ATAD5: variants seen among roughly 807,000 people sequenced by gnomAD.
The protein encoded by ATAD5 is ATPase family AAA domain-containing protein 5.
ATAD5 carries 58 observed loss-of-function variants against 176.9 expected under a neutral mutation model. The ratio of observed to expected loss-of-function variants is 0.33; its 90% confidence interval spans 0.27 to 0.41. ATAD5 has a LOEUF of 0.41. Ranked by LOEUF, ATAD5 falls within the 10% of genes least tolerant of loss-of-function variation. The pLI is 1.00. For missense variants in ATAD5, 1,789 were observed against 2,094.1 expected, an observed-to-expected ratio of 0.85 and a Z score of 2.84; for synonymous variants, 640 against 712.6, an observed-to-expected ratio of 0.90 and a Z score of 1.62.
chr17:30,868,394 A>G lies in ATAD5; in HGVS notation c.3295A>G (p.Arg1099Gly), dbSNP rs916150523. ...LEERQNLKGK[R>G]DEKHEDFSGG... ...AGAAAGGCAGAATCTGAAGGGAAAA[A>G]GAGATGAGAAACATGAAGGTATTTT... The change falls in exon 12 of 23, where the codon AGA becomes GGA. Residue 1099 changes from arginine to glycine, a missense_variant. Physicochemically the swap from Arg to Gly is moderately radical, Grantham distance 125 (BLOSUM62 -2). Around this residue, in one of 6 missense-constraint regions of ATAD5, gnomAD observed 487 missense variants for 573.6 expected, o/e 0.85. Transcript: ENST00000321990. 61 of 1,572,626 alleles carry G rather than the reference A, an allele frequency of 3.9e-5. No individual in the cohort carries two copies. The highest frequency in any genetic ancestry group is 5.0e-5 in the Non-Finnish European group (58 of 1,164,108).
chr17:30,856,996 T>C lies in ATAD5; in HGVS notation c.2677T>C (p.Leu893=). 1 of 1,605,866 alleles carries C rather than the reference T, an allele frequency of 6.2e-7. No individual in the cohort carries two copies. Among genetic ancestry groups the C allele is most frequent in the African/African-American group, 1.3e-5 (1 of 74,572 alleles). Residue 893 remains leucine (L), a synonymous_variant, in exon 8 of 23, where the codon TTA becomes CTA. Coordinates refer to ENST00000321990, the MANE Select transcript of ATAD5 (RefSeq NM_024857.5). The stretch of plus-strand genomic sequence containing the variant: ...TTTGAAACCACCCTCTTGTCCTCTC[T>C]TAACTAAATTTAAAGAACTGAACAC... ...WHLKPPSCPL[L]TKFKELNTKV... is the part of the protein sequence containing the mutation.
chr17:30,845,216 T>C (rs1567681185), intron 6 of ATAD5, among the ~76,000 whole-genome samples: 1 of 152,212 alleles, frequency 6.6e-6, no homozygotes, highest in Non-Finnish European at 1.5e-5. Flanking sequence ...GTACTGTTTT[T>C]GGTATCAGAG....
intron 10 of ATAD5, chr17:30,862,598 C>G (rs1361322943): frequency 6.6e-6 from 1 of 151,952 alleles, no homozygotes. Flanking sequence ...TGTGCCACCA[C>G]GCCCGGCTAA....
chr17:30,840,431 A>G (rs1458352056), intron 3 of ATAD5, among the ~76,000 whole-genome samples, 186 bp from the exon 4 acceptor site: 1 of 152,150 alleles, frequency 6.6e-6, no homozygotes, highest in Non-Finnish European at 1.5e-5. Context: ...TACCTGGATG[A>G]TTTCAAGTAA....
intron 2 of ATAD5, among the ~76,000 whole-genome samples, chr17:30,836,864 G>A (rs1905778258): frequency 1.3e-5 from 2 of 152,138 alleles, no homozygotes; most frequent in Admixed American, 1.3e-4. Flanking sequence ...CACCACACCC[G>A]GCAAGTTTGA....
chr17:30,890,193 A>G (rs979430536), intron 19 of ATAD5, among the ~76,000 whole-genome samples: 4 of 151,256 alleles, frequency 2.6e-5, no homozygotes, highest in Admixed American at 1.3e-4. Flanking sequence ...CCAGCTTCAT[A>G]TTATTCTTTT....
At chr17:30,890,795 TAAAAC>T (rs1909597239) in intron 19 of ATAD5, among the ~76,000 whole-genome samples, 1 of 152,024 alleles carries the variant, frequency 6.6e-6, no homozygotes, top group South Asian at 2.1e-4. Flanking sequence ...AACAGATACA[TAAAAC>T]AATATTCCCC....
chr17:30,855,025 C>G (rs1219202022), intron 6 of ATAD5, 118 bp from the exon 7 acceptor site: 1 of 943,640 alleles, frequency 1.1e-6, no homozygotes, highest in Non-Finnish European at 1.5e-6. Flanking sequence ...TCTCAAAGTA[C>G]TTATATTACA....
intron 19 of ATAD5, among the ~76,000 whole-genome samples, chr17:30,888,144 T>A (rs1440097994): frequency 6.6e-6 from 1 of 152,090 alleles, no homozygotes; most frequent in Non-Finnish European, 1.5e-5. Flanking sequence ...AAAAAAAAAT[T>A]TTTTTTAATT....
chr17:30,873,047 G>T (rs1908433757), intron 14 of ATAD5, among the ~76,000 whole-genome samples: 1 of 152,090 alleles, frequency 6.6e-6, no homozygotes, highest in African/African-American at 2.4e-5. Flanking sequence ...CATATATTAT[G>T]TCCAGTTTTC....
chr17:30,880,391 C>T (rs1392425245), intron 18 of ATAD5, among the ~76,000 whole-genome samples: 2 of 152,034 alleles, frequency 1.3e-5, no homozygotes, highest in Non-Finnish European at 2.9e-5. Flanking sequence ...GGTGGGTCAC[C>T]TGAGGTCGGG....
Position 30,894,163 on chromosome 17 carries a change from T to G in ATAD5, c.5297+13T>G. On this transcript the variant is annotated intron_variant, in intron 21 of 22. Coordinates refer to ENST00000321990, the MANE Select transcript of ATAD5 (RefSeq NM_024857.5). ...CAGCTAATTTAGAGTAAGTCTTACT[T>G]CCTTTACTTTTTATTTTTTGGTAAT... The G allele has an allele frequency of 1.3e-6, 2 of 1,514,348 alleles. No homozygotes were observed. Among genetic ancestry groups the G allele is most frequent in the Non-Finnish European group, 8.8e-7 (1 of 1,133,278 alleles). 93.8% of individuals were successfully genotyped at this position (1,514,348 alleles called of 1,614,324 possible).
At chr17:30,844,182 G>GA in intron 5 of ATAD5, 143 bp downstream of exon 5, 1 of 742,524 alleles carries the variant, frequency 1.3e-6, no homozygotes, top group Non-Finnish European at 1.9e-6. Context: ...AGGCTGGAGT[G>GA]CAGCGCCGGC....
In ATAD5 at chr17:30,834,467, A is replaced by C. The variant is rs1210995698; in HGVS notation, c.386A>C (p.Glu129Ala). ...LSHQLNNIKT[E>A]NEAPIEISSD... ...CATCAACTAAATAATATTAAAACTG[A>C]AAATGAAGCTCCAATTGAAATTAGT... The change falls in exon 2 of 23, where the codon GAA becomes GCA. Residue 129 changes from glutamate to alanine, a missense_variant. Physicochemically the swap from Glu to Ala is moderately radical, Grantham distance 107 (BLOSUM62 -1). Transcript: ENST00000321990. 4 of 1,587,812 alleles carry C rather than the reference A, an allele frequency of 2.5e-6. No individual in the cohort carries two copies. The highest frequency in any genetic ancestry group is 1.9e-5 in the Admixed American group (1 of 53,734).
chr17:30,857,140 A>T (rs766405438), intron 8 of ATAD5, 28 bp downstream of exon 8: 1 of 1,588,700 alleles, frequency 6.3e-7, no homozygotes, highest in Non-Finnish European at 8.5e-7. Context: ...CATCCATTGT[A>T]GAGTGTTTCC....
At chr17:30,862,045 AAC>A (rs1237888258) in intron 10 of ATAD5, 1 of 150,476 alleles carries the variant, frequency 6.6e-6, no homozygotes, top group Non-Finnish European at 1.5e-5. Flanking sequence ...AAAAAAAAGT[AAC>A]ACAGTGTCCG....
intron 14 of ATAD5, among the ~76,000 whole-genome samples, 175 bp from the exon 15 acceptor site, chr17:30,876,199 G>A (rs1399609535): frequency 6.6e-6 from 1 of 151,992 alleles, no homozygotes; most frequent in Non-Finnish European, 1.5e-5. Context: ...TGTACTGGTA[G>A]AATAAATAAA....
chr17:30,884,088 C>T (rs1040720420), intron 18 of ATAD5, among the ~76,000 whole-genome samples: 6 of 152,026 alleles, frequency 3.9e-5, no homozygotes, highest in African/African-American at 1.4e-4. Context: ...CTGGCAACTA[C>T]CATTCTACTT....
chr17:30,845,030 C>A, intron 6 of ATAD5, 114 bp downstream of exon 6: 1 of 986,532 alleles, frequency 1.0e-6, no homozygotes, highest in Non-Finnish European at 1.5e-6. Flanking sequence ...CTAGTAAGTC[C>A]AGTTTCAAAG....
Sources: allele counts gnomAD v4.1 joint callset (sites outside exome capture counted in the v4.1 genomes callset), GRCh38; gene constraint gnomAD v4.1.1; regional missense constraint gnomAD v4.1.1; transcripts MANE v1.5; gene names NCBI Gene and HGNC (gene_info 2026-07-23, HGNC 2026-07-21).